The following MTO1 variants were observed in gnomAD, a reference collection of about 807,000 sequenced individuals.
MTO1 encodes the protein 5-taurinomethyluridine-[tRNA] synthase subunit MTO1, mitochondrial.
A neutral mutation model predicts 71.6 loss-of-function variants in MTO1; 46 were observed. The ratio of observed to expected loss-of-function variants is 0.64; its 90% CI spans 0.51 to 0.82. The LOEUF (loss-of-function observed/expected upper bound fraction) is 0.82, where lower values mean the gene tolerates loss of function less well. Among genes scored for constraint, MTO1 ranks in the 40% least tolerant of loss-of-function variants. The pLI is 0.00. For synonymous variants in MTO1, 297 were observed against 312.1 expected (o/e 0.95, Z 0.51); for missense variants, 773 against 867.5 (o/e 0.89, Z 1.37).
At chr6:73,473,968 G>T (rs995657381) in intron 4 of MTO1, among the ~76,000 whole-genome samples, 1 of 151,552 alleles carries the variant, frequency 6.6e-6, no homozygotes, top group East Asian at 1.9e-4. Flanking sequence ...AAATTTTTTT[G>T]AGAAATGGGG....
chr6:73,495,000 C>G (rs890471904), intron 10 of MTO1, among the ~76,000 whole-genome samples: 2 of 152,060 alleles, frequency 1.3e-5, no homozygotes, highest in Non-Finnish European at 2.9e-5. Flanking sequence ...CCAGGCTGGT[C>G]TCAAACACCT....
chr6:73,483,872 G>A (rs371517894), intron 9 of MTO1, among the ~76,000 whole-genome samples: 2 of 149,274 alleles, frequency 1.3e-5, no homozygotes, highest in Non-Finnish European at 3.0e-5. Flanking sequence ...TCTGCCTCCC[G>A]GGTTCAAGCA....
chr6:73,474,489 G>A lies in MTO1; in HGVS notation c.825+835G>A, dbSNP rs141223798. ...TTTTTTGAGACAGTCTCAGTCTGTC[G>A]CCCTGCTGGAGCGCAATGGTGAAAT... On this transcript the variant is annotated intron_variant, in intron 4 of 11. Transcript: ENST00000498286. Among the ~76,000 whole-genome samples, 461 of 152,100 alleles carry A rather than the reference G, an allele frequency of 3.0e-3. 1 individual carries two copies. Among genetic ancestry groups the A allele is most frequent in the Admixed American group, 4.8e-3 (73 of 15,254 alleles).
intron 3 of MTO1, among the ~76,000 whole-genome samples, chr6:73,468,225 C>T (rs964240271): frequency 1.3e-5 from 2 of 152,112 alleles, no homozygotes; most frequent in South Asian, 4.1e-4. Context: ...TCAAGCAATT[C>T]TCCTGCCTCA....
Position 73,480,071 on chromosome 6 carries a change from A to G in MTO1, c.1074A>G (p.Gln358=), listed in dbSNP as rs566494832. The stretch of plus-strand genomic sequence containing the variant: ...CTATGACGCTACCAGCTGAGTTACA[A>G]GAGAAAATGATCACATGCATCAGAG... ...GLSMTLPAEL[Q]EKMITCIRGL... is the part of the protein sequence containing the mutation. The change falls in exon 6 of 12, where the codon CAA becomes CAG. Residue 358 remains glutamine (Q), a synonymous_variant. Transcript: ENST00000498286. 2 of 1,614,202 alleles carry G rather than the reference A, an allele frequency of 1.2e-6. No homozygotes were observed. The highest frequency in any genetic ancestry group is 2.2e-5 in the East Asian group (1 of 44,880).
intron 9 of MTO1, among the ~76,000 whole-genome samples, chr6:73,485,441 C>CT (rs1234020094): frequency 0.044 from 6,298 of 142,060 alleles, 436 homozygotes; most frequent in African/African-American, 0.15. Flanking sequence ...TTCTTTCTTT[C>CT]TTTTTTTTTT....
intron 10 of MTO1, among the ~76,000 whole-genome samples, chr6:73,492,995 T>TGTGTG (rs540252865): frequency 4.1e-5 from 3 of 73,312 alleles, no homozygotes; most frequent in Non-Finnish European, 8.2e-5. Context: ...TGTGTGTGTA[T>TGTGTG]TTTTTTTTTT....
intron 4 of MTO1, among the ~76,000 whole-genome samples, chr6:73,476,519 ACTC>A (rs1412219649): frequency 6.6e-6 from 1 of 151,882 alleles, no homozygotes; most frequent in Admixed American, 6.6e-5. Context: ...TTCACAACAA[ACTC>A]CTATAAACCA....
chr6:73,484,754 G>A (rs1233684788), intron 9 of MTO1, among the ~76,000 whole-genome samples: 1 of 151,924 alleles, frequency 6.6e-6, no homozygotes, highest in Non-Finnish European at 1.5e-5. Flanking sequence ...TCAAAAGTTG[G>A]ACAAATAATT....
chr6:73,492,449 G>T, intron 10 of MTO1, 97 bp downstream of exon 10: 1 of 782,444 alleles, frequency 1.3e-6, no homozygotes. Flanking sequence ...CACAGTGTTA[G>T]CTTCTGTGCT....
intron 9 of MTO1, 71 bp from the exon 10 acceptor site, chr6:73,492,163 A>G: frequency 2.1e-6 from 2 of 972,046 alleles, no homozygotes; most frequent in African/African-American, 1.6e-5. Flanking sequence ...TATTATTTCA[A>G]AGAATCTTGT....
intron 3 of MTO1, among the ~76,000 whole-genome samples, chr6:73,472,094 TATTCTC>T (rs1225787408): frequency 6.6e-6 from 1 of 152,208 alleles, no homozygotes; most frequent in African/African-American, 2.4e-5. Flanking sequence ...CCTCAGTTCT[TATTCTC>T]AGTTCTCTAA....
chr6:73,479,656 CAT>C (rs1743619805), intron 4 of MTO1, 74 bp from the exon 5 acceptor site: 3 of 1,165,718 alleles, frequency 2.6e-6, no homozygotes, highest in Non-Finnish European at 3.8e-6. Flanking sequence ...CAGTACGTAT[CAT>C]GTGGAATTTA....
intron 7 of MTO1, among the ~76,000 whole-genome samples, chr6:73,481,827 T>C (rs1207146103): frequency 6.6e-6 from 1 of 152,088 alleles, no homozygotes; most frequent in African/African-American, 2.4e-5. Flanking sequence ...TAGATGGATA[T>C]CTCTGAAAAC....
chr6:73,492,459 T>C, intron 10 of MTO1, 107 bp downstream of exon 10: 1 of 730,390 alleles, frequency 1.4e-6, no homozygotes, highest in Admixed American at 2.4e-5. Context: ...GCTTCTGTGC[T>C]TTTCAAAAGT....
chr6:73,464,164 T>G (rs988488779), intron 1 of MTO1: 4 of 152,144 alleles, frequency 2.6e-5, no homozygotes, highest in African/African-American at 9.7e-5. Flanking sequence ...ATTTGTGAAG[T>G]GTTCCATATT....
At chr6:73,487,380 T>C (rs1422247351) in intron 9 of MTO1, among the ~76,000 whole-genome samples, 1 of 151,448 alleles carries the variant, frequency 6.6e-6, no homozygotes, top group East Asian at 1.9e-4. Flanking sequence ...TTAGTAGAGA[T>C]GGGGTTTCAC....
At chr6:73,480,200 C>T (rs1260293879) in intron 6 of MTO1, 74 bp downstream of exon 6, 10 of 1,409,372 alleles carry the variant, frequency 7.1e-6, no homozygotes, top group African/African-American at 1.4e-5. Context: ...GCCTTAGCTA[C>T]AGTCATTGTT....
At chr6:73,499,856 T>G (rs747753399) in intron 11 of MTO1, among the ~76,000 whole-genome samples, 2 of 152,226 alleles carry the variant, frequency 1.3e-5, no homozygotes, top group Non-Finnish European at 2.9e-5. Context: ...ATTCATACAT[T>G]TCACTGTAAA....
Sources: allele counts gnomAD v4.1 joint callset (sites outside exome capture counted in the v4.1 genomes callset), GRCh38; gene constraint gnomAD v4.1.1; transcripts MANE v1.5; gene names NCBI Gene and HGNC (gene_info 2026-07-23, HGNC 2026-07-21).